The following COX18 variants were observed in gnomAD, a reference collection of about 807,000 sequenced individuals.
COX18 encodes cytochrome c oxidase assembly factor COX18.
A neutral mutation model predicts 38.0 loss-of-function variants in COX18; 45 were observed. That is an observed-to-expected ratio of 1.18 (90% CI 0.93 to 1.52). The LOEUF (loss-of-function observed/expected upper bound fraction) is 1.52. Among genes scored for constraint, COX18 ranks in the 40% most tolerant of loss-of-function variants. The pLI, the probability that COX18 is intolerant of heterozygous loss-of-function variation, is 0.00. For synonymous variants in COX18, 177 were observed against 169.8 expected, an observed-to-expected ratio of 1.04 and a Z score of -0.33; for missense variants, 462 against 423.8, an observed-to-expected ratio of 1.09 and a Z score of -0.79.
At chr4:73,058,718 T>G (rs1180651898) in intron 5 of COX18, among the ~76,000 whole-genome samples, 2 of 152,172 alleles carry the variant, frequency 1.3e-5, no homozygotes, top group East Asian at 3.9e-4. Flanking sequence ...ATCTTCCAAA[T>G]GTTTCCCAAC....
At chr4:73,065,518 G>A (rs767928423) in intron 2 of COX18, 105 bp from the exon 3 acceptor site, 14 of 986,788 alleles carry the variant, frequency 1.4e-5, no homozygotes, top group Non-Finnish European at 1.8e-5. Flanking sequence ...ATTAGCTAAA[G>A]GATTTGTATA....
intron 2 of COX18, among the ~76,000 whole-genome samples, chr4:73,066,110 T>C (rs1720434649): frequency 6.6e-6 from 1 of 152,216 alleles, no homozygotes. Context: ...CATTCAATAG[T>C]TTTTCTGAAT....
chr4:73,063,624 T>C (rs1208779509), intron 4 of COX18, among the ~76,000 whole-genome samples: 1 of 152,214 alleles, frequency 6.6e-6, no homozygotes, highest in African/African-American at 2.4e-5. Context: ...TGATTCACTG[T>C]AACCTTGTGC....
At chr4:73,065,443 A>G in intron 2 of COX18, 30 bp from the exon 3 acceptor site, 2 of 1,575,884 alleles carry the variant, frequency 1.3e-6, no homozygotes, top group South Asian at 1.1e-5. Context: ...AAAAAAGGGG[A>G]AAGAGAAAAT....
Position 73,058,130 on chromosome 4 carries a change from A to G in COX18, c.989T>C (p.Phe330Ser). 1 of 1,587,268 alleles carries G rather than the reference A, an allele frequency of 6.3e-7. No homozygotes were observed. Reference sequence around the variant, plus strand: ...GAAAATATGTCATTTTCTTGAAATGAACTTGGTATTAAAGGCAGCAAATAT... The same window carrying G: ...GAAAATATGTCATTTTCTTGAAATGGACTTGGTATTAAAGGCAGCAAATAT... ...KDIFAAFNTK[F>S]ISRK Residue 330 changes from phenylalanine (F) to serine (S), a missense_variant, in exon 6 of 6, where the codon TTC becomes TCC. Transcript: ENST00000507544.
At chr4:73,058,461 C>G (rs1216532265) in intron 5 of COX18, among the ~76,000 whole-genome samples, 174 bp from the exon 6 acceptor site, 1 of 151,916 alleles carries the variant, frequency 6.6e-6, no homozygotes, top group Non-Finnish European at 1.5e-5. Flanking sequence ...AAAAAGGTTA[C>G]AGACAGACCA....
At chr4:73,069,213 T>C in intron 1 of COX18, 104 bp downstream of exon 1, 1 of 846,426 alleles carries the variant, frequency 1.2e-6, no homozygotes, top group Non-Finnish European at 1.8e-6. Context: ...CACTAAGCAC[T>C]GCAGAAGGCA....
chr4:73,060,389 A>G (rs746207452), intron 5 of COX18, among the ~76,000 whole-genome samples: 7 of 152,184 alleles, frequency 4.6e-5, no homozygotes, highest in Non-Finnish European at 8.8e-5. Context: ...CTACTTTTAC[A>G]GGGTATTTTA....
intron 5 of COX18, among the ~76,000 whole-genome samples, chr4:73,058,759 T>C (rs544651155): frequency 7.2e-5 from 11 of 152,300 alleles, no homozygotes; most frequent in African/African-American, 2.4e-4. Flanking sequence ...AAGGAATGCA[T>C]TTTCTTTGCC....
chr4:73,055,763 G>A lies in COX18; in HGVS notation c.*2351C>T, dbSNP rs575973620. 2.0e-5 allele frequency: 3 copies of A among 152,300 alleles called. No homozygotes were observed. In the South Asian group the frequency reaches 6.2e-4, roughly 32 times the overall value. 9.4% of individuals were successfully genotyped at this position (152,300 alleles called of 1,614,324 possible). On this transcript the variant is annotated 3_prime_UTR_variant, in exon 6 of 6. Transcript: ENST00000507544. ...GCTCAAAAGCACTTGTGCAAGTACT[G>A]GTTCTGGGGTTATGGATAGATTTGA... is the stretch of plus-strand genomic sequence containing the variant.
rs149342207 is a variant in COX18, at chr4:73,060,259, C to G, written c.831+1554G>C. ...GCATTGTGTTTTAGATCTCTTGTTA[C>G]TCATTTTGAACTCAATCCCTCATTA... is the stretch of plus-strand genomic sequence containing the variant. On this transcript the variant is annotated intron_variant, in intron 5 of 5. Coordinates refer to ENST00000507544, the MANE Select transcript of COX18 (RefSeq NM_001297732.2). Among the ~76,000 whole-genome samples, 623 of 152,280 alleles carry G rather than the reference C, an allele frequency of 4.1e-3. 6 individuals are homozygous for G. The highest frequency in any genetic ancestry group is 0.014 in the African/African-American group (592 of 41,552).
At chr4:73,062,108 C>T (rs1416947975) in intron 4 of COX18, among the ~76,000 whole-genome samples, 188 bp from the exon 5 acceptor site, 2 of 152,032 alleles carry the variant, frequency 1.3e-5, no homozygotes, top group Non-Finnish European at 2.9e-5. Context: ...ACCTGTCTTG[C>T]TATCAAACTG....
Position 73,064,898 on chromosome 4 carries a change from A to G in COX18, c.603T>C (p.Gly201=), listed in dbSNP as rs1720360426. The change falls in exon 4 of 6, where the codon GGT becomes GGC. Residue 201 remains glycine, a synonymous_variant. Coordinates refer to ENST00000507544, the MANE Select transcript of COX18 (RefSeq NM_001297732.2). ...TAGCTAACTGTTCCTGAACAGAAAAACCTGCTAAAACAGTTTTATAAATAA... is the reference window on the plus strand; with the variant it reads ...TAGCTAACTGTTCCTGAACAGAAAAGCCTGCTAAAACAGTTTTATAAATAA... ...LSTGAAHSEA[G]FSVQEQLATG... The G allele has an allele frequency of 6.2e-7, 1 of 1,613,260 alleles. No homozygotes were observed. The highest frequency in any genetic ancestry group is 8.5e-7 in the Non-Finnish European group (1 of 1,179,634).
At position 73,052,414 on chromosome 4, in the gene COX18, G is replaced by A. The variant is rs917391516; in HGVS notation, c.*5700C>T. ...TATATAAATTTATATTCTTATTTTA[G>A]TTGTATACACAGTACAGAACCACAG... On this transcript the variant is annotated 3_prime_UTR_variant, in exon 6 of 6. Coordinates refer to ENST00000507544, the MANE Select transcript of COX18 (RefSeq NM_001297732.2). 1 of 151,740 alleles carries A rather than the reference G, an allele frequency of 6.6e-6. No homozygotes were observed. Among genetic ancestry groups the A allele is most frequent in the African/African-American group, 2.4e-5 (1 of 41,326 alleles). 9.4% of individuals were successfully genotyped at this position (151,740 alleles called of 1,614,324 possible). A position where few individuals can be genotyped will look rare whatever the true frequency, so the allele number is the denominator to read the frequency against.
In COX18 at chr4:73,059,093, C is replaced by T. The variant is rs543644054; in HGVS notation, c.832-806G>A. ...CTCCTGCTGTCAGCCGGCTCCTAAT[C>T]GGCTATGGACCAGTACTGGTCTGTG... On this transcript the variant is annotated intron_variant, in intron 5 of 5. Coordinates refer to ENST00000507544, the MANE Select transcript of COX18 (RefSeq NM_001297732.2). Among the ~76,000 whole-genome samples the T allele has an allele frequency of 4.1e-4, 62 of 152,300 alleles. No homozygotes were observed. The South Asian group carries it at 0.013, about 31-fold the overall frequency.
intron 2 of COX18, among the ~76,000 whole-genome samples, 164 bp from the exon 3 acceptor site, chr4:73,065,577 C>A (rs1720410972): frequency 6.6e-6 from 1 of 151,972 alleles, no homozygotes; most frequent in Non-Finnish European, 1.5e-5. Flanking sequence ...AAACAACAGG[C>A]AAATAAAGCC....
At chr4:73,067,864 A>AAAAAAATATATATAT in intron 2 of COX18, among the ~76,000 whole-genome samples, 165 bp downstream of exon 2, 395 of 19,716 alleles carry the variant, frequency 0.02, 29 homozygotes, top group Non-Finnish European at 0.038. Flanking sequence ...AAAAAAAAAA[A>AAAAAAATATATATAT]ATATATATAT....
At chr4:73,060,113 GA>G (rs1358703969) in intron 5 of COX18, among the ~76,000 whole-genome samples, 2 of 152,146 alleles carry the variant, frequency 1.3e-5, no homozygotes, top group Non-Finnish European at 2.9e-5. Flanking sequence ...ACAGGCTGTG[GA>G]TAACAAAGCA....
intron 2 of COX18, among the ~76,000 whole-genome samples, 165 bp downstream of exon 2, chr4:73,067,864 A>AAAAAAAATAT: frequency 9.0e-4 from 18 of 20,018 alleles, no homozygotes; most frequent in South Asian, 3.5e-3. Flanking sequence ...AAAAAAAAAA[A>AAAAAAAATAT]ATATATATAT....
Sources: allele counts gnomAD v4.1 joint callset (sites outside exome capture counted in the v4.1 genomes callset), GRCh38; gene constraint gnomAD v4.1.1; transcripts MANE v1.5; gene names NCBI Gene and HGNC (gene_info 2026-07-23, HGNC 2026-07-21).